IGBP1C: variants seen among roughly 807,000 people sequenced by gnomAD.
IGBP1C encodes the protein immunoglobulin-binding protein 1 family member C.
At chr17:58,674,825 C>T in the IGBP1C span, among the ~76,000 whole-genome samples, 8 of 147,186 alleles carry the variant, frequency 5.4e-5, no homozygotes, top group African/African-American at 1.5e-4. Flanking sequence ...GATTTATCTT[C>T]GATGAGGCCT....
chr17:58,665,619 C>A, the IGBP1C span, among the ~76,000 whole-genome samples: 2 of 151,730 alleles, frequency 1.3e-5, no homozygotes, highest in African/African-American at 2.4e-5. Flanking sequence ...AACAAAAAAA[C>A]CCACAACTCA....
chr17:58,687,441 C>A, the IGBP1C span, among the ~76,000 whole-genome samples: 1 of 152,016 alleles, frequency 6.6e-6, no homozygotes, highest in Admixed American at 6.6e-5. Flanking sequence ...TAGGTCCGTG[C>A]GGGTTACAGA....
chr17:58,662,452 C>G, the IGBP1C span, among the ~76,000 whole-genome samples: 3 of 147,028 alleles, frequency 2.0e-5, no homozygotes, highest in Non-Finnish European at 3.0e-5. Flanking sequence ...CACACACACA[C>G]AGAATCAAAC....
At chr17:58,678,241 G>C in the IGBP1C span, among the ~76,000 whole-genome samples, 1 of 152,176 alleles carries the variant, frequency 6.6e-6, no homozygotes, top group African/African-American at 2.4e-5. Context: ...GGGTCCTTAA[G>C]GGAAGGACAC....
chr17:58,684,449 C>A, the IGBP1C span, among the ~76,000 whole-genome samples: 3 of 147,656 alleles, frequency 2.0e-5, no homozygotes, highest in African/African-American at 7.5e-5. Context: ...GCAACAAGAG[C>A]GAAACTCCGT....
At chr17:58,691,735 A>G in the IGBP1C span, among the ~76,000 whole-genome samples, 1 of 150,928 alleles carries the variant, frequency 6.6e-6, no homozygotes, top group Non-Finnish European at 1.5e-5. Context: ...AGTTACACTC[A>G]CCTAGGCAAG....
the IGBP1C span, among the ~76,000 whole-genome samples, chr17:58,674,942 T>C: frequency 1.3e-5 from 2 of 151,022 alleles, no homozygotes; most frequent in Non-Finnish European, 1.5e-5. Context: ...AGCCAGGAGT[T>C]TGAGACCAGC....
chr17:58,669,733 C>CAGAAA, the IGBP1C span, among the ~76,000 whole-genome samples: 2 of 56,298 alleles, frequency 3.6e-5, no homozygotes, highest in Non-Finnish European at 7.0e-5. Flanking sequence ...GACTCCGTCT[C>CAGAAA]AAAAAAAAAA....
the IGBP1C span, chr17:58,679,783 T>A: frequency 6.6e-6 from 1 of 152,138 alleles, no homozygotes; most frequent in Non-Finnish European, 1.5e-5. Flanking sequence ...ACCCCCTAAT[T>A]TCTGGAATAA....
At chr17:58,678,641 G>T in the IGBP1C span, among the ~76,000 whole-genome samples, 2 of 151,744 alleles carry the variant, frequency 1.3e-5, no homozygotes, top group Admixed American at 1.3e-4. Context: ...ACTTGAACAC[G>T]GGGTGGGGAA....
chr17:58,687,158 C>T, the IGBP1C span, among the ~76,000 whole-genome samples: 1 of 152,106 alleles, frequency 6.6e-6, no homozygotes, highest in Non-Finnish European at 1.5e-5. Context: ...CTCCTGCTGA[C>T]AGAAGATTTG....
At chr17:58,663,783 C>T in the IGBP1C span, among the ~76,000 whole-genome samples, 4 of 152,124 alleles carry the variant, frequency 2.6e-5, no homozygotes, top group Non-Finnish European at 5.9e-5. Context: ...ATGTCTTACT[C>T]AACACCCTGA....
chr17:58,690,682 G>A, the IGBP1C span, among the ~76,000 whole-genome samples: 5 of 152,152 alleles, frequency 3.3e-5, no homozygotes, highest in Non-Finnish European at 2.9e-5. Context: ...GACCATATTA[G>A]AAGTTAAGCA....
the IGBP1C span, among the ~76,000 whole-genome samples, chr17:58,681,982 T>C: frequency 6.6e-6 from 1 of 152,164 alleles, no homozygotes; most frequent in Non-Finnish European, 1.5e-5. Flanking sequence ...TTCAGAAGAT[T>C]TGTGACTAGC....
At chr17:58,675,574 A>G in the IGBP1C span, 1 of 152,210 alleles carries the variant, frequency 6.6e-6, no homozygotes, top group Non-Finnish European at 1.5e-5. Context: ...AAATCAAACT[A>G]TCTTTTAAAT....
the IGBP1C span, among the ~76,000 whole-genome samples, chr17:58,688,093 C>T: frequency 7.9e-5 from 12 of 152,184 alleles, 1 homozygote; most frequent in Admixed American, 3.3e-4. Flanking sequence ...TACTCTACTT[C>T]GGCACTTTTA....
the IGBP1C span, among the ~76,000 whole-genome samples, chr17:58,687,924 G>T: frequency 1.3e-5 from 2 of 152,128 alleles, no homozygotes; most frequent in South Asian, 4.1e-4. Flanking sequence ...TGAGGGCAGA[G>T]AATCTATCTT....
At chr17:58,674,852 A>C in the IGBP1C span, among the ~76,000 whole-genome samples, 3 of 151,504 alleles carry the variant, frequency 2.0e-5, no homozygotes, top group Non-Finnish European at 4.4e-5. Flanking sequence ...AAAAAAAAAA[A>C]AAGGCAGGTA....
the IGBP1C span, among the ~76,000 whole-genome samples, chr17:58,679,142 G>A: frequency 3.3e-5 from 5 of 152,028 alleles, no homozygotes; most frequent in African/African-American, 9.6e-5. Flanking sequence ...CTACAAGAGC[G>A]AAACGCCGTC....
Sources: allele counts gnomAD v4.1 joint callset (sites outside exome capture counted in the v4.1 genomes callset), GRCh38; gene constraint gnomAD v4.1.1; transcripts MANE v1.5; gene names NCBI Gene and HGNC (gene_info 2026-07-23, HGNC 2026-07-21).